PTPRN2: variants seen among roughly 807,000 people sequenced by gnomAD.
PTPRN2 encodes receptor-type tyrosine-protein phosphatase N2.
A neutral mutation model predicts 118.8 loss-of-function variants in PTPRN2; 74 were observed. The observed-to-expected ratio is 0.62, with a 90% CI of 0.52 to 0.76. The LOEUF (loss-of-function observed/expected upper bound fraction) is 0.76. PTPRN2 is among the 30% of genes least tolerant of loss of function. The pLI is 0.00. For synonymous variants in PTPRN2, 641 were observed against 608.0 expected, an observed-to-expected ratio of 1.05 and a Z score of -0.80; for missense variants, 1,481 against 1,394.4, an observed-to-expected ratio of 1.06 and a Z score of -0.99.
chr7:158,497,343 G>C (rs1822027741), intron 1 of PTPRN2, among the ~76,000 whole-genome samples: 1 of 149,760 alleles, frequency 6.7e-6, no homozygotes, highest in Admixed American at 6.6e-5. Context: ...GTGTTGCTCA[G>C]TCCCCTTCAC....
intron 12 of PTPRN2, among the ~76,000 whole-genome samples, chr7:157,891,694 A>G (rs1796818544): frequency 6.6e-6 from 1 of 152,060 alleles, no homozygotes; most frequent in South Asian, 2.1e-4. Flanking sequence ...CCTTTCTTGG[A>G]ACAAAGTCTC....
At chr7:158,140,412 G>T (rs1042617814) in intron 6 of PTPRN2, among the ~76,000 whole-genome samples, 2 of 152,196 alleles carry the variant, frequency 1.3e-5, no homozygotes, top group African/African-American at 4.8e-5. Context: ...TGAGACTGTG[G>T]GTAGCAGCCT....
intron 3 of PTPRN2, among the ~76,000 whole-genome samples, chr7:158,227,122 G>C (rs936551039): frequency 6.6e-6 from 1 of 152,180 alleles, no homozygotes; most frequent in Non-Finnish European, 1.5e-5. Flanking sequence ...TGGGAGGAGG[G>C]AGGTCAGTTG....
intron 2 of PTPRN2, among the ~76,000 whole-genome samples, chr7:158,406,045 GA>G (rs1813396012): frequency 7.0e-6 from 1 of 141,904 alleles, no homozygotes. Flanking sequence ...GCTCATCCGT[GA>G]GACACGTGGC....
At chr7:157,574,776 G>A (rs1430341730) in intron 19 of PTPRN2, among the ~76,000 whole-genome samples, 1 of 152,172 alleles carries the variant, frequency 6.6e-6, no homozygotes, top group Non-Finnish European at 1.5e-5. Flanking sequence ...AAATCGGGGT[G>A]GCTATTTTAT....
chr7:158,532,846 T>C (rs370078657), intron 1 of PTPRN2: 233 of 533,266 alleles, frequency 4.4e-4, no homozygotes, highest in Middle Eastern at 1.0e-3. Context: ...AGAGAGAATG[T>C]GGCCCGTGCT....
intron 21 of PTPRN2, among the ~76,000 whole-genome samples, chr7:157,565,912 C>T (rs146864315): frequency 6.6e-6 from 1 of 152,314 alleles, no homozygotes; most frequent in East Asian, 1.9e-4. Context: ...TAAGCGCTTC[C>T]CAGATTGGTG....
chr7:158,240,129 G>A (rs955261050), intron 3 of PTPRN2, among the ~76,000 whole-genome samples: 1 of 152,200 alleles, frequency 6.6e-6, no homozygotes, highest in African/African-American at 2.4e-5. Flanking sequence ...GGAACAAGCA[G>A]TGTCTTTGTT....
chr7:158,204,276 G>A (rs1360475298), intron 4 of PTPRN2, among the ~76,000 whole-genome samples: 5 of 151,948 alleles, frequency 3.3e-5, no homozygotes, highest in Non-Finnish European at 7.4e-5. Context: ...CTCAGTGTGC[G>A]CCGCGTTCTG....
intron 3 of PTPRN2, among the ~76,000 whole-genome samples, chr7:158,287,331 G>T (rs1799831931): frequency 6.6e-6 from 1 of 151,836 alleles, no homozygotes; most frequent in South Asian, 2.1e-4. Context: ...ATCTCTTTCT[G>T]TTCTGATCTT....
chr7:157,955,068 C>A (rs151008251), intron 11 of PTPRN2, among the ~76,000 whole-genome samples: 1 of 152,128 alleles, frequency 6.6e-6, no homozygotes, highest in East Asian at 1.9e-4. Context: ...TCTCACCGTC[C>A]CCAAGGAGCC....
intron 2 of PTPRN2, among the ~76,000 whole-genome samples, chr7:158,413,300 G>A (rs370353377): frequency 6.6e-6 from 1 of 152,246 alleles, no homozygotes; most frequent in Non-Finnish European, 1.5e-5. Flanking sequence ...GTAATAAGTC[G>A]TAGGGGCTCA....
At chr7:158,142,856 C>T (rs778057433) in intron 6 of PTPRN2, among the ~76,000 whole-genome samples, 5 of 152,244 alleles carry the variant, frequency 3.3e-5, no homozygotes, top group Admixed American at 6.5e-5. Flanking sequence ...CATGCCCCAG[C>T]TCCTTCCACG....
chr7:158,306,256 G>A (rs1801275220), intron 3 of PTPRN2, among the ~76,000 whole-genome samples: 1 of 152,198 alleles, frequency 6.6e-6, no homozygotes, highest in Non-Finnish European at 1.5e-5. Flanking sequence ...ATGTGCACAG[G>A]TGCTTTGCAA....
At chr7:158,247,942 CG>C (rs1191232923) in intron 3 of PTPRN2, among the ~76,000 whole-genome samples, 1 of 152,180 alleles carries the variant, frequency 6.6e-6, no homozygotes, top group Non-Finnish European at 1.5e-5. Context: ...AACCATACCT[CG>C]CACAAGACCC....
In PTPRN2 at chr7:157,920,040, G is replaced by C. The variant is rs541938703; in HGVS notation, c.1724-21303C>G. 9.2e-5 allele frequency among the ~76,000 whole-genome samples: 14 copies of C among 152,278 alleles called. No individual in the cohort carries two copies. The South Asian group carries it at 2.9e-3, about 32-fold the overall frequency. ...TGTCCCATACAACCTGGGTGTGTAGGAGGCTGTAGCATCTACAGGTTTTGT... is the reference window on the plus strand; with the variant it reads ...TGTCCCATACAACCTGGGTGTGTAGCAGGCTGTAGCATCTACAGGTTTTGT... On this transcript the variant is annotated intron_variant, in intron 11 of 22. Transcript: ENST00000389418.
intron 12 of PTPRN2, among the ~76,000 whole-genome samples, chr7:157,795,960 G>C (rs1804844890): frequency 6.6e-6 from 1 of 152,244 alleles, no homozygotes; most frequent in Non-Finnish European, 1.5e-5. Flanking sequence ...GTGATGGAGG[G>C]GGGCAGGCGC....
intron 3 of PTPRN2, among the ~76,000 whole-genome samples, chr7:158,283,727 G>A (rs1586125123): frequency 2.0e-5 from 3 of 152,068 alleles, no homozygotes; most frequent in East Asian, 1.9e-4. Flanking sequence ...CAGCAGTGCC[G>A]TGGCAGCCAC....
rs139940009 is a variant in PTPRN2, at chr7:157,701,220, C to T, written c.1789-18283G>A. ...CAGTGGCAGAATCTCAATCAACACACAGGCTCCTATGCGAACCCACACACT... is the reference window on the plus strand; with the variant it reads ...CAGTGGCAGAATCTCAATCAACACATAGGCTCCTATGCGAACCCACACACT... On this transcript the variant is annotated intron_variant, in intron 12 of 22. Transcript: ENST00000389418. Among the ~76,000 whole-genome samples the T allele has an allele frequency of 3.7e-3, 557 of 152,228 alleles. 6 individuals are homozygous for T. The highest frequency in any genetic ancestry group is 0.013 in the African/African-American group (526 of 41,510).
Sources: allele counts gnomAD v4.1 joint callset (sites outside exome capture counted in the v4.1 genomes callset), GRCh38; gene constraint gnomAD v4.1.1; transcripts MANE v1.5; gene names NCBI Gene and HGNC (gene_info 2026-07-23, HGNC 2026-07-21).